ARRB1: variants seen among roughly 807,000 people sequenced by gnomAD.
ARRB1 encodes arrestin beta 1.
In ARRB1, 21 loss-of-function variants were observed where a neutral mutation model predicts 56.8. That is an observed-to-expected ratio of 0.37 (90% CI 0.26 to 0.53). ARRB1 has a LOEUF of 0.53. Among genes scored for constraint, ARRB1 ranks in the 20% least tolerant of loss-of-function variants. The probability of loss-of-function intolerance (pLI) is 0.88; values close to 1 mark genes in which losing one functional copy is unlikely to be tolerated. For synonymous variants in ARRB1, 210 were observed against 218.6 expected, an observed-to-expected ratio of 0.96 and a Z score of 0.35; for missense variants, 424 against 553.7, an observed-to-expected ratio of 0.77 and a Z score of 2.35.
chr11:75,289,623 T>C (rs1414948010), intron 2 of ARRB1, among the ~76,000 whole-genome samples: 1 of 152,166 alleles, frequency 6.6e-6, no homozygotes, highest in African/African-American at 2.4e-5. Context: ...AGCCAGGCCC[T>C]GGGAGCTGCC....
At chr11:75,330,335 G>A (rs1947502010) in intron 1 of ARRB1, among the ~76,000 whole-genome samples, 1 of 152,170 alleles carries the variant, frequency 6.6e-6, no homozygotes, top group African/African-American at 2.4e-5. Flanking sequence ...TCCAGGAAAA[G>A]CTGTTGAAGG....
At chr11:75,287,216 T>G in intron 3 of ARRB1, 99 bp downstream of exon 3, 1 of 1,288,792 alleles carries the variant, frequency 7.8e-7, no homozygotes, top group South Asian at 1.5e-5. Flanking sequence ...TCACCCCCGT[T>G]CTTGGCACCG....
chr11:75,339,972 A>G (rs1947670057), intron 1 of ARRB1, among the ~76,000 whole-genome samples: 1 of 152,174 alleles, frequency 6.6e-6, no homozygotes. Flanking sequence ...CCAGGCCCTC[A>G]ACTTCGGAGA....
intron 1 of ARRB1, among the ~76,000 whole-genome samples, chr11:75,312,466 C>A (rs1947183035): frequency 6.6e-6 from 1 of 152,202 alleles, no homozygotes; most frequent in Non-Finnish European, 1.5e-5. Flanking sequence ...CTGTCCCAGG[C>A]ATTGGGAGCC....
At chr11:75,267,598 A>ACCCCGCCCCCC in intron 15 of ARRB1, 54 bp downstream of exon 15, 14 of 1,419,694 alleles carry the variant, frequency 9.9e-6, no homozygotes, top group African/African-American at 4.2e-5. Flanking sequence ...GACCCCCTCC[A>ACCCCGCCCCCC]CCCCGCCCAC....
intron 1 of ARRB1, among the ~76,000 whole-genome samples, chr11:75,301,403 C>T (rs1239114011): frequency 2.0e-5 from 3 of 152,198 alleles, no homozygotes; most frequent in African/African-American, 7.2e-5. Flanking sequence ...ATGTGAGGGC[C>T]TTCGGCTAGG....
intron 1 of ARRB1, among the ~76,000 whole-genome samples, chr11:75,299,384 T>C (rs1206086453): frequency 6.6e-6 from 1 of 152,008 alleles, no homozygotes; most frequent in Non-Finnish European, 1.5e-5. Flanking sequence ...TAAAGTACTT[T>C]ATAAAGATGC....
intron 9 of ARRB1, among the ~76,000 whole-genome samples, chr11:75,277,113 C>T (rs1285579011): frequency 1.4e-5 from 2 of 142,318 alleles, no homozygotes; most frequent in Non-Finnish European, 3.2e-5. Flanking sequence ...CAAAGCCTTC[C>T]CCTCAAGGAC....
At chr11:75,270,618 TTC>T (rs1379656487) in intron 13 of ARRB1, among the ~76,000 whole-genome samples, 3 of 148,564 alleles carry the variant, frequency 2.0e-5, no homozygotes, top group Non-Finnish European at 4.5e-5. Flanking sequence ...CAGAGTGAGA[TTC>T]TGTCTCAAAA....
At chr11:75,320,578 G>A (rs964230570) in intron 1 of ARRB1, among the ~76,000 whole-genome samples, 5 of 152,156 alleles carry the variant, frequency 3.3e-5, no homozygotes, top group East Asian at 1.9e-4. Flanking sequence ...CTCTGTTCCC[G>A]CAAGGGCTGA....
At position 75,290,092 on chromosome 11, in the gene ARRB1, A is replaced by G. The variant is rs1399781955; in HGVS notation, c.21-53T>C. On this transcript the variant is annotated intron_variant, in intron 1 of 15. Coordinates refer to ENST00000420843, the MANE Select transcript of ARRB1 (RefSeq NM_004041.5). ...GGGTTCGCGTATCCTGCCCAGGGGC[A>G]AGCTCCTGCGGGCCACCTTGAGGCA... 1.9e-6 allele frequency: 3 copies of G among 1,611,662 alleles called. No individual in the cohort carries two copies. The East Asian group carries it at 6.7e-5, about 36-fold the overall frequency.
chr11:75,345,645 C>T (rs548034700), intron 1 of ARRB1, among the ~76,000 whole-genome samples: 30 of 152,284 alleles, frequency 2.0e-4, no homozygotes, highest in African/African-American at 7.2e-4. Context: ...GATGAGGGAG[C>T]CCCAGGCCTC....
chr11:75,330,695 A>T (rs767328308), intron 1 of ARRB1, among the ~76,000 whole-genome samples: 1 of 152,072 alleles, frequency 6.6e-6, no homozygotes, highest in Non-Finnish European at 1.5e-5. Flanking sequence ...AACTGAGAGG[A>T]CCCTTGGAAA....
intron 1 of ARRB1, among the ~76,000 whole-genome samples, chr11:75,291,053 T>A (rs945970141): frequency 9.9e-5 from 15 of 152,204 alleles, no homozygotes; most frequent in African/African-American, 3.4e-4. Context: ...CTGCAATCAT[T>A]GTTTAATAAA....
chr11:75,275,789 C>T (rs770454795), intron 10 of ARRB1, among the ~76,000 whole-genome samples: 2 of 152,186 alleles, frequency 1.3e-5, no homozygotes, highest in Admixed American at 6.5e-5. Context: ...AGCCCCACAG[C>T]GCTTCCTGAG....
chr11:75,286,844 C>T (rs1341154306), intron 3 of ARRB1, among the ~76,000 whole-genome samples: 1 of 152,222 alleles, frequency 6.6e-6, no homozygotes, highest in Admixed American at 6.5e-5. Context: ...CTCCCTCTGT[C>T]TCCCACTCTT....
At chr11:75,292,605 A>T (rs1421180315) in intron 1 of ARRB1, among the ~76,000 whole-genome samples, 1 of 152,218 alleles carries the variant, frequency 6.6e-6, no homozygotes, top group Non-Finnish European at 1.5e-5. Context: ...GGCACCGGCC[A>T]CAAGGGACTC....
chr11:75,281,065 T>A lies in ARRB1; in HGVS notation c.482+10A>T. 6.3e-7 allele frequency: 1 copy of A among 1,598,944 alleles called. No individual in the cohort carries two copies. The highest frequency in any genetic ancestry group is 8.5e-7 in the Non-Finnish European group (1 of 1,172,118). On this transcript the variant is annotated intron_variant, in intron 7 of 15. Coordinates refer to ENST00000420843, the MANE Select transcript of ARRB1 (RefSeq NM_004041.5). ...CCAGCAGGCGGCCCACACCCTGGCA[T>A]CCTACTCACCGCTTGTGGATCTTCT...
At chr11:75,271,663 A>G in intron 13 of ARRB1, 38 bp downstream of exon 13, 4 of 1,552,576 alleles carry the variant, frequency 2.6e-6, no homozygotes, top group Non-Finnish European at 3.5e-6. Context: ...CAGGCCCTCC[A>G]GGAAGGTGGG....
Sources: gnomAD v4.1 joint callset for allele counts (sites outside exome capture counted in the v4.1 genomes callset) on GRCh38, gnomAD v4.1.1 for gene constraint, MANE v1.5 for transcripts, NCBI Gene and HGNC (gene_info 2026-07-23, HGNC 2026-07-21) for gene names.